RPA1: variants seen among roughly 807,000 people sequenced by gnomAD.
RPA1 encodes replication protein A1.
Under a neutral mutation model 83.0 loss-of-function variants are expected in RPA1, and 49 were observed. That is an observed-to-expected ratio of 0.59 (90% CI 0.47 to 0.75). The LOEUF (loss-of-function observed/expected upper bound fraction) is 0.75. Ranked by LOEUF, RPA1 falls within the 30% of genes least tolerant of loss-of-function variation. RPA1 has a pLI of 0.00. For synonymous variants in RPA1, 279 were observed against 281.8 expected, an observed-to-expected ratio of 0.99 and a Z score of 0.10; for missense variants, 693 against 776.1, an observed-to-expected ratio of 0.89 and a Z score of 1.27.
At chr17:1,888,263 T>C (rs1473958144) in intron 13 of RPA1, among the ~76,000 whole-genome samples, 1 of 152,236 alleles carries the variant, frequency 6.6e-6, no homozygotes, top group Non-Finnish European at 1.5e-5. Context: ...TGATCGTTGC[T>C]GCACTGGGTG....
At chr17:1,841,129 A>G (rs1466671163) in intron 1 of RPA1, among the ~76,000 whole-genome samples, 1 of 152,154 alleles carries the variant, frequency 6.6e-6, no homozygotes, top group African/African-American at 2.4e-5. Context: ...TGAAAATTTC[A>G]TTCTTCAGTT....
intron 4 of RPA1, among the ~76,000 whole-genome samples, chr17:1,845,676 A>T (rs1021874853): frequency 6.6e-6 from 1 of 152,216 alleles, no homozygotes; most frequent in Non-Finnish European, 1.5e-5. Context: ...CACACCTGTC[A>T]TGCCAACACT....
chr17:1,844,126 G>C, intron 3 of RPA1, 128 bp downstream of exon 3: 1 of 696,952 alleles, frequency 1.4e-6, no homozygotes, highest in Non-Finnish European at 2.4e-6. Flanking sequence ...ACTTCATTCA[G>C]ACAGAATTGC....
intron 6 of RPA1, among the ~76,000 whole-genome samples, chr17:1,873,786 C>T (rs536394710): frequency 4.6e-5 from 7 of 151,012 alleles, no homozygotes; most frequent in African/African-American, 1.5e-4. Flanking sequence ...GTCAGGAGTT[C>T]GAGACTAGCT....
At position 1,880,609 on chromosome 17, in the gene RPA1, G is replaced by C; in HGVS notation, c.1159G>C (p.Gly387Arg). ...AIKGARVSDFGGRSLSVLSSS... is the reference protein window; with the variant it reads ...AIKGARVSDFRGRSLSVLSSS... The stretch of plus-strand genomic sequence containing the variant: ...CAAAGGAGCCCGAGTCTCTGATTTC[G>C]GTGGACGGAGCCTCTCCGTGCTGTC... Residue 387 changes from glycine to arginine, a missense_variant, in exon 12 of 17, where the codon GGT becomes CGT. Physicochemically the swap from Gly to Arg is moderately radical, Grantham distance 125. Coordinates refer to ENST00000254719, the MANE Select transcript of RPA1 (RefSeq NM_002945.5). 2 of 1,614,084 alleles carry C rather than the reference G, an allele frequency of 1.2e-6. No homozygotes were observed. The highest frequency in any genetic ancestry group is 1.7e-6 in the Non-Finnish European group (2 of 1,180,004).
intron 1 of RPA1, among the ~76,000 whole-genome samples, chr17:1,835,392 A>G (rs906847702): frequency 6.6e-6 from 1 of 151,972 alleles, no homozygotes; most frequent in Non-Finnish European, 1.5e-5. Context: ...CTTGGTCTCC[A>G]AACAGTTCTC....
chr17:1,887,374 G>A lies in RPA1; in HGVS notation c.1375-1301G>A, dbSNP rs372378565. On this transcript the variant is annotated intron_variant, in intron 13 of 16. Coordinates refer to ENST00000254719, the MANE Select transcript of RPA1 (RefSeq NM_002945.5). The stretch of plus-strand genomic sequence containing the variant: ...GGAGATCGAGACCATCCTGACCAAC[G>A]TGGTTAAAACCCCGTCTCTACTAAA... 2.8e-4 allele frequency among the ~76,000 whole-genome samples: 43 copies of A among 151,766 alleles called. No homozygotes were observed. In the South Asian group the frequency reaches 8.4e-3, roughly 30 times the overall value.
Position 1,879,271 on chromosome 17 carries a change from T to A in RPA1, c.816T>A (p.Val272=). 1 of 1,614,144 alleles carries A rather than the reference T, an allele frequency of 6.2e-7. No homozygotes were observed. The highest frequency in any genetic ancestry group is 8.5e-7 in the Non-Finnish European group (1 of 1,180,032). The change falls in exon 10 of 17, where the codon GTT becomes GTA. Residue 272 remains valine, a synonymous_variant. Coordinates refer to ENST00000254719, the MANE Select transcript of RPA1 (RefSeq NM_002945.5). The part of the protein sequence containing the change: ...LKIANKQFTA[V]KNDYEMTFNN... ...TTGCTAACAAGCAGTTCACAGCTGT[T>A]AAAAATGACTACGAGATGACCTTCA...
intron 16 of RPA1, 151 bp downstream of exon 16, chr17:1,895,246 C>A: frequency 2.1e-6 from 1 of 474,878 alleles, no homozygotes; most frequent in Non-Finnish European, 3.8e-6. Context: ...TTATGATCCC[C>A]ATTTTCAGAT....
At chr17:1,849,000 A>C (rs1912371453) in intron 4 of RPA1, among the ~76,000 whole-genome samples, 3 of 152,168 alleles carry the variant, frequency 2.0e-5, no homozygotes, top group Admixed American at 2.0e-4. Context: ...TTTGTGTACA[A>C]GTTTTTTGTG....
chr17:1,875,125 G>A (rs943300381), intron 6 of RPA1, among the ~76,000 whole-genome samples: 6 of 152,148 alleles, frequency 3.9e-5, no homozygotes, highest in African/African-American at 1.2e-4. Flanking sequence ...CTTTGCACCC[G>A]ACGAAACTCA....
At chr17:1,856,314 AT>A (rs1245562245) in intron 5 of RPA1, among the ~76,000 whole-genome samples, 5 of 140,692 alleles carry the variant, frequency 3.6e-5, no homozygotes, top group African/African-American at 1.2e-4. Flanking sequence ...AAAAAAAAAA[AT>A]GCCAGGTGCT....
At chr17:1,838,087 T>A (rs895372060) in intron 1 of RPA1, among the ~76,000 whole-genome samples, 1 of 150,916 alleles carries the variant, frequency 6.6e-6, no homozygotes, top group Admixed American at 6.6e-5. Context: ...AGGTCGAGAG[T>A]TCGAGACCAA....
rs1358739794 is a variant in RPA1 at position 1,872,454 on chromosome 17, G to C, written c.382G>C (p.Ala128Pro). The C allele has an allele frequency of 1.9e-6, 3 of 1,613,822 alleles. No homozygotes were observed. Among genetic ancestry groups the C allele is most frequent in the Non-Finnish European group, 2.5e-6 (3 of 1,180,010 alleles). ...YNEGLGQPQV[A>P]PPAPAASPAA... ...TTCAGGACTCGGGCAGCCGCAAGTAGCTCCTCCAGCGCCAGCAGCCAGCCC... is the reference window on the plus strand; with the variant it reads ...TTCAGGACTCGGGCAGCCGCAAGTACCTCCTCCAGCGCCAGCAGCCAGCCC... Residue 128 changes from alanine to proline, a missense_variant, in exon 6 of 17, where the codon GCT becomes CCT. Ala to Pro is a conservative substitution (Grantham distance 27, BLOSUM62 -1). Transcript: ENST00000254719.
At chr17:1,895,790 C>G (rs549016113) in intron 16 of RPA1, among the ~76,000 whole-genome samples, 39 of 151,968 alleles carry the variant, frequency 2.6e-4, no homozygotes, top group African/African-American at 8.9e-4. Context: ...TCAAGTGATT[C>G]TCCTGCCTTA....
chr17:1,874,030 T>TACACACAC (rs1246125038), intron 6 of RPA1, among the ~76,000 whole-genome samples: 30 of 90,868 alleles, frequency 3.3e-4, no homozygotes, highest in Non-Finnish European at 4.9e-4. Flanking sequence ...TATATATATA[T>TACACACAC]ATACACACAC....
chr17:1,849,499 A>G (rs1193643592), intron 4 of RPA1, among the ~76,000 whole-genome samples: 1 of 151,706 alleles, frequency 6.6e-6, no homozygotes, highest in African/African-American at 2.4e-5. Flanking sequence ...TCACTGTGTT[A>G]GCCAGGATGA....
intron 5 of RPA1, among the ~76,000 whole-genome samples, chr17:1,861,540 G>A (rs1433020864): frequency 6.6e-6 from 1 of 152,116 alleles, no homozygotes; most frequent in East Asian, 1.9e-4. Flanking sequence ...GCATTCTCCT[G>A]CCTCACTTTT....
In RPA1 at chr17:1,880,659, T is replaced by A; in HGVS notation, c.1209T>A (p.Pro403=). 6.2e-7 allele frequency: 1 copy of A among 1,613,942 alleles called. No homozygotes were observed. Among genetic ancestry groups the A allele is most frequent in the Non-Finnish European group, 8.5e-7 (1 of 1,180,018 alleles). ...VLSSSTIIAN[P]DIPEAYKLRG... is the part of the protein sequence containing the mutation. Reference sequence around the variant, plus strand: ...CTTCAAGCACTATCATTGCGAATCCTGACATCCCAGAGGCCTATAAGCTTC... The same window carrying A: ...CTTCAAGCACTATCATTGCGAATCCAGACATCCCAGAGGCCTATAAGCTTC... Residue 403 remains proline, a synonymous_variant, in exon 12 of 17, where the codon CCT becomes CCA. Transcript: ENST00000254719.
Sources: gnomAD v4.1 joint callset for allele counts (sites outside exome capture counted in the v4.1 genomes callset) on GRCh38, gnomAD v4.1.1 for gene constraint, MANE v1.5 for transcripts, NCBI Gene and HGNC (gene_info 2026-07-23, HGNC 2026-07-21) for gene names.